Variants in ARHGEF26 observed in about 807,000 individuals in gnomAD.
ARHGEF26 encodes Rho guanine nucleotide exchange factor 26.
Under a neutral mutation model 89.4 loss-of-function variants are expected in ARHGEF26, and 59 were observed. The ratio of observed to expected loss-of-function variants is 0.66; its 90% CI spans 0.54 to 0.82. The LOEUF is 0.82. ARHGEF26 is among the 40% of genes least tolerant of loss of function. The pLI is 0.00. For missense variants in ARHGEF26, 1,234 were observed against 1,085.6 expected (o/e 1.14, Z -1.92); for synonymous variants, 500 against 428.4 (o/e 1.17, Z -2.06).
intron 3 of ARHGEF26, among the ~76,000 whole-genome samples, chr3:154,127,956 A>G (rs1343562702): frequency 6.6e-6 from 1 of 152,130 alleles, no homozygotes; most frequent in African/African-American, 2.4e-5. Flanking sequence ...TTATGTTCGC[A>G]TTATAGCTTT....
intron 6 of ARHGEF26, among the ~76,000 whole-genome samples, chr3:154,183,507 T>C (rs1158699716): frequency 6.6e-6 from 1 of 152,228 alleles, no homozygotes; most frequent in Non-Finnish European, 1.5e-5. Flanking sequence ...TTACTTTTGC[T>C]TCAGATTTGA....
intron 11 of ARHGEF26, among the ~76,000 whole-genome samples, chr3:154,227,947 A>G (rs556757960): frequency 6.6e-6 from 1 of 152,298 alleles, no homozygotes; most frequent in Admixed American, 6.5e-5. Flanking sequence ...TTGTTCTTGA[A>G]TTTGCACAGA....
chr3:154,175,657 A>G (rs1035258025), intron 6 of ARHGEF26, among the ~76,000 whole-genome samples: 3 of 152,198 alleles, frequency 2.0e-5, no homozygotes, highest in South Asian at 2.1e-4. Flanking sequence ...TTTTGTTTCA[A>G]AGACCACTTT....
In ARHGEF26 at chr3:154,142,588, T is replaced by C. The variant is rs144315781; in HGVS notation, c.1270-6801T>C. On this transcript the variant is annotated intron_variant, in intron 4 of 14. Coordinates refer to ENST00000465093, the MANE Select transcript of ARHGEF26 (RefSeq NM_015595.4). ...AATCTCAGAAATTCAGAGTCGCTGT[T>C]GTTCTAAGTAGCTTATTGTTTTGGA... Among the ~76,000 whole-genome samples the C allele has an allele frequency of 1.3e-3, 201 of 152,320 alleles. 2 individuals carry two copies. Among genetic ancestry groups the C allele is most frequent in the African/African-American group, 4.8e-3 (199 of 41,570 alleles).
intron 6 of ARHGEF26, among the ~76,000 whole-genome samples, chr3:154,181,365 C>T (rs1043126414): frequency 3.3e-5 from 5 of 152,080 alleles, no homozygotes; most frequent in African/African-American, 4.8e-5. Flanking sequence ...GTGAATATGA[C>T]CTTCTCTGGT....
At chr3:154,158,050 G>A (rs1445534830) in intron 6 of ARHGEF26, among the ~76,000 whole-genome samples, 1 of 152,090 alleles carries the variant, frequency 6.6e-6, no homozygotes, top group African/African-American at 2.4e-5. Context: ...CAGTAGACTT[G>A]GGGGGCTCTA....
At chr3:154,141,044 C>T (rs1263881530) in intron 4 of ARHGEF26, among the ~76,000 whole-genome samples, 2 of 152,028 alleles carry the variant, frequency 1.3e-5, no homozygotes, top group Non-Finnish European at 2.9e-5. Context: ...TCACTGCCAG[C>T]TCCGCCTCCT....
rs1188247588 is a variant in ARHGEF26 at position 154,237,572 on chromosome 3, A to ACACACACACT, written c.2091-2797_2091-2796insACACACACTC. Among the ~76,000 whole-genome samples, 59 of 151,350 alleles carry ACACACACACT rather than the reference A, an allele frequency of 3.9e-4. No individual in the cohort carries two copies. The East Asian group carries it at 9.1e-3, about 23-fold the overall frequency. On this transcript the variant is annotated intron_variant, in intron 11 of 14. Transcript: ENST00000465093. ...CACACACACACACACACACACACAC[A>ACACACACACT]CTTAACTAGTTTATTCATATTAGCT...
At chr3:154,218,823 C>T (rs1200597823) in intron 10 of ARHGEF26, among the ~76,000 whole-genome samples, 2 of 152,310 alleles carry the variant, frequency 1.3e-5, no homozygotes, top group Middle Eastern at 3.4e-3. Context: ...AGTCCAGCTA[C>T]ACCCTTTTAT....
chr3:154,158,584 G>C (rs1711505180), intron 6 of ARHGEF26, among the ~76,000 whole-genome samples: 1 of 152,090 alleles, frequency 6.6e-6, no homozygotes, highest in Non-Finnish European at 1.5e-5. Flanking sequence ...CTGTTTAACT[G>C]TACCAACTTC....
At chr3:154,250,632 G>T (rs1405843059) in intron 12 of ARHGEF26, among the ~76,000 whole-genome samples, 1 of 152,196 alleles carries the variant, frequency 6.6e-6, no homozygotes, top group East Asian at 1.9e-4. Context: ...CTGTGTACAG[G>T]AAGATCTGCC....
intron 11 of ARHGEF26, among the ~76,000 whole-genome samples, chr3:154,239,287 A>AGTGTGT (rs1717324770): frequency 1.9e-5 from 2 of 104,208 alleles, no homozygotes; most frequent in Admixed American, 9.6e-5. Flanking sequence ...AGAGAGAGAG[A>AGTGTGT]GAGAGAGAGA....
At chr3:154,133,685 A>G (rs1283626151) in intron 4 of ARHGEF26, among the ~76,000 whole-genome samples, 2 of 151,690 alleles carry the variant, frequency 1.3e-5, no homozygotes, top group African/African-American at 4.8e-5. Context: ...TTTCTTGGCT[A>G]TTTTTTGGTT....
At chr3:154,130,530 T>C (rs1481196277) in intron 4 of ARHGEF26, among the ~76,000 whole-genome samples, 1 of 152,218 alleles carries the variant, frequency 6.6e-6, no homozygotes, top group Non-Finnish European at 1.5e-5. Context: ...CTGTGCCTTT[T>C]TTGTATGCCT....
chr3:154,152,219 G>T (rs1720066168), intron 5 of ARHGEF26, among the ~76,000 whole-genome samples: 2 of 152,172 alleles, frequency 1.3e-5, no homozygotes, highest in Non-Finnish European at 2.9e-5. Flanking sequence ...AGAACCTTTT[G>T]AGGGTAGACA....
In ARHGEF26 at chr3:154,257,524, A is replaced by T. The variant is rs1391664023; in HGVS notation, c.*2051A>T. ...CTATTTGAATCCTGTGAATTAATTT[A>T]TAAGAATGTTAAACAGCTTTGGAAA... On this transcript the variant is annotated 3_prime_UTR_variant, in exon 15 of 15. Transcript: ENST00000465093. 6.6e-6 allele frequency: 1 copy of T among 152,262 alleles called. No homozygotes were observed. The highest frequency in any genetic ancestry group is 1.9e-4 in the East Asian group (1 of 5,196). 9.4% of individuals were successfully genotyped at this position (152,262 alleles called of 1,614,324 possible). A position where few individuals can be genotyped will look rare whatever the true frequency, so the allele number is the denominator to read the frequency against.
rs527900634 is a variant in ARHGEF26 at position 154,257,109 on chromosome 3, G to A, written c.*1636G>A. On this transcript the variant is annotated 3_prime_UTR_variant, in exon 15 of 15. Transcript: ENST00000465093. ...TGTAAAGCTACAGAAGCCCAGTTGA[G>A]GGGTAAGTGTGCCTGGCTCACACAG... The A allele has an allele frequency of 1.7e-4, 194 of 1,152,412 alleles. 1 individual carries two copies. In the South Asian group the frequency reaches 2.9e-3, roughly 17 times the overall value. The allele number at this position is 1,152,412 out of a possible 1,614,324, so 71.4% of individuals were successfully genotyped here. A position where few individuals can be genotyped will look rare whatever the true frequency, so the allele number is the denominator to read the frequency against.
At chr3:154,154,559 C>T (rs186203108) in intron 6 of ARHGEF26, among the ~76,000 whole-genome samples, 52 of 107,444 alleles carry the variant, frequency 4.8e-4, no homozygotes, top group Admixed American at 4.5e-3. Context: ...CCCCTCTATC[C>T]TATTCTCTTC....
intron 9 of ARHGEF26, among the ~76,000 whole-genome samples, chr3:154,211,867 ATGTG>A (rs3029699): frequency 1.3e-5 from 2 of 151,026 alleles, no homozygotes; most frequent in African/African-American, 4.9e-5. Flanking sequence ...GTATATATAT[ATGTG>A]TGTGTGTGTG....
Sources: gnomAD v4.1 joint callset for allele counts (sites outside exome capture counted in the v4.1 genomes callset) on GRCh38, gnomAD v4.1.1 for gene constraint, MANE v1.5 for transcripts, NCBI Gene and HGNC (gene_info 2026-07-23, HGNC 2026-07-21) for gene names.